The following SMCHD1 variants were observed in gnomAD, a reference collection of about 807,000 sequenced individuals.
The protein encoded by SMCHD1 is structural maintenance of chromosomes flexible hinge domain containing 1, also known as structural maintenance of chromosomes flexible hinge domain-containing protein 1.
A neutral mutation model predicts 254.7 loss-of-function variants in SMCHD1; 78 were observed. The ratio of observed to expected loss-of-function variants is 0.31; its 90% CI spans 0.26 to 0.37. The LOEUF (loss-of-function observed/expected upper bound fraction) is 0.37. Ranked by LOEUF, SMCHD1 falls within the 10% of genes least tolerant of loss-of-function variation. The pLI is 1.00. For synonymous variants in SMCHD1, 766 were observed against 794.9 expected (o/e 0.96, Z 0.61); for missense variants, 1,840 against 2,408.1 (o/e 0.76, Z 4.94).
chr18:2,684,702 T>TGTGTGTGTGTGG (rs1274346528), intron 5 of SMCHD1, among the ~76,000 whole-genome samples: 1 of 141,014 alleles, frequency 7.1e-6, no homozygotes, highest in Non-Finnish European at 1.6e-5. Context: ...GCAGATTCAG[T>TGTGTGTGTGTGG]GTGTGTGTGT....
At chr18:2,662,419 G>A (rs2073308911) in intron 1 of SMCHD1, among the ~76,000 whole-genome samples, 2 of 151,872 alleles carry the variant, frequency 1.3e-5, no homozygotes, top group South Asian at 4.2e-4. Context: ...GCCAAGGCAG[G>A]GAGATCATCT....
chr18:2,748,562 T>G (rs2075513215), intron 30 of SMCHD1, among the ~76,000 whole-genome samples: 1 of 151,644 alleles, frequency 6.6e-6, no homozygotes, highest in East Asian at 1.9e-4. Context: ...GCCCAGCTAA[T>G]TTTTGTATTT....
Position 2,750,117 on chromosome 18 carries a change from C to T in SMCHD1, c.4002C>T (p.Ala1334=). 6.3e-7 allele frequency: 1 copy of T among 1,577,586 alleles called. No individual in the cohort carries two copies. Among genetic ancestry groups the T allele is most frequent in the Non-Finnish European group, 8.6e-7 (1 of 1,160,018 alleles). ...ATTTGGGAGTATTCAGTGTTTTTGC[C>T]CCTAGGTAAGAACCAAAAGTTTGAT... The part of the protein sequence containing the change: ...RANLGVFSVF[A]PRGEHTLQVK... The change falls in exon 31 of 48, where the codon GCC becomes GCT. Residue 1334 remains alanine, a synonymous_variant. Coordinates refer to ENST00000320876, the MANE Select transcript of SMCHD1 (RefSeq NM_015295.3).
intron 1 of SMCHD1, among the ~76,000 whole-genome samples, chr18:2,662,971 C>CAG (rs2073338400): frequency 6.6e-6 from 1 of 152,122 alleles, no homozygotes; most frequent in Admixed American, 6.5e-5. Context: ...TTTCTCTGTA[C>CAG]AGAGGCCTAC....
chr18:2,751,711 A>C (rs568345841), intron 33 of SMCHD1, among the ~76,000 whole-genome samples: 1 of 152,248 alleles, frequency 6.6e-6, no homozygotes, highest in African/African-American at 2.4e-5. Flanking sequence ...AAAATGAGAT[A>C]GTAAAGAGAT....
At chr18:2,736,253 TAACTC>T (rs2143514573) in intron 25 of SMCHD1, among the ~76,000 whole-genome samples, 1 of 152,230 alleles carries the variant, frequency 6.6e-6, no homozygotes, top group African/African-American at 2.4e-5. Flanking sequence ...ATACAAAAAT[TAACTC>T]AGGATGGATT....
intron 45 of SMCHD1, among the ~76,000 whole-genome samples, chr18:2,791,097 C>A (rs904716385): frequency 2.0e-5 from 3 of 152,036 alleles, no homozygotes; most frequent in Non-Finnish European, 4.4e-5. Flanking sequence ...TATAATCTTA[C>A]AGTAAGCAGT....
At chr18:2,765,618 G>T (rs1231382098) in intron 37 of SMCHD1, among the ~76,000 whole-genome samples, 1 of 152,142 alleles carries the variant, frequency 6.6e-6, no homozygotes, top group Non-Finnish European at 1.5e-5. Flanking sequence ...GAAATCTAAA[G>T]ATCTGTCAAC....
chr18:2,777,745 C>T, intron 42 of SMCHD1, 61 bp from the exon 43 acceptor site: 1 of 905,420 alleles, frequency 1.1e-6, no homozygotes, highest in Non-Finnish European at 1.7e-6. Flanking sequence ...TCCATATTGT[C>T]TTTTTTTAAA....
intron 1 of SMCHD1, among the ~76,000 whole-genome samples, chr18:2,658,229 T>C (rs2073132192): frequency 1.3e-5 from 2 of 152,254 alleles, no homozygotes; most frequent in African/African-American, 2.4e-5. Flanking sequence ...AATGTTTTGC[T>C]ACTTTACCCT....
intron 17 of SMCHD1, among the ~76,000 whole-genome samples, chr18:2,711,034 C>T (rs1033675539): frequency 2.0e-5 from 3 of 151,658 alleles, no homozygotes; most frequent in Admixed American, 6.6e-5. Context: ...TGGAATGATG[C>T]GGCACAGTCG....
chr18:2,693,131 AAC>A (rs2074215099), intron 7 of SMCHD1, among the ~76,000 whole-genome samples: 1 of 152,240 alleles, frequency 6.6e-6, no homozygotes, highest in Non-Finnish European at 1.5e-5. Context: ...AAAGAGCTGT[AAC>A]ACTTTTTAAT....
intron 47 of SMCHD1, chr18:2,801,030 A>AT (rs1382507469): frequency 6.6e-6 from 1 of 152,210 alleles, no homozygotes; most frequent in African/African-American, 2.4e-5. Context: ...CAATAGGAGG[A>AT]TTAAAGTCCA....
intron 42 of SMCHD1, 56 bp downstream of exon 42, chr18:2,775,980 A>G: frequency 7.3e-7 from 1 of 1,361,286 alleles, no homozygotes; most frequent in East Asian, 2.7e-5. Context: ...GTTTTTTATC[A>G]AAGCCTTGAA....
rs1389498389 is a variant in SMCHD1 at position 2,763,793 on chromosome 18, A to C, written c.4719+4A>C. On this transcript the variant is annotated splice_donor_region_variant and intron_variant, in intron 37 of 47. Transcript: ENST00000320876. ...GAATGGTTCGGCTGAAATCATGGTAAATTTTTTATATCTTTTGGTAGATAG... is the reference window on the plus strand; with the variant it reads ...GAATGGTTCGGCTGAAATCATGGTACATTTTTTATATCTTTTGGTAGATAG... The C allele has an allele frequency of 1.2e-6, 2 of 1,603,268 alleles. No individual in the cohort carries two copies. The highest frequency in any genetic ancestry group is 1.3e-5 in the African/African-American group (1 of 74,128).
At position 2,747,559 on chromosome 18, in the gene SMCHD1, C is replaced by A; in HGVS notation, c.3839C>A (p.Pro1280His). The change falls in exon 30 of 48, where the codon CCT (proline) becomes CAT (histidine). Residue 1280 changes from proline to histidine, a missense_variant. Around this residue, in one of 9 missense-constraint regions of SMCHD1, gnomAD observed 881 missense variants for 1,009.5 expected, o/e 0.87. Transcript: ENST00000320876. ...PVINGRDLQN[P>H]IIVQLCDQWD... ...ATTAATGGAAGAGATTTACAGAACC[C>A]TATTATTGTTCAACTTTGTGATCAG... The A allele has an allele frequency of 6.2e-7, 1 of 1,608,686 alleles. No individual in the cohort carries two copies. The highest frequency in any genetic ancestry group is 8.5e-7 in the Non-Finnish European group (1 of 1,175,860).
At chr18:2,694,766 TGAAGCC>T in intron 8 of SMCHD1, 73 bp downstream of exon 8, 3 of 1,300,054 alleles carry the variant, frequency 2.3e-6, no homozygotes, top group Non-Finnish European at 3.3e-6. Context: ...ACAGATATAT[TGAAGCC>T]TCTTTGGTAT....
chr18:2,659,019 G>A (rs761232121), intron 1 of SMCHD1, among the ~76,000 whole-genome samples: 1 of 152,080 alleles, frequency 6.6e-6, no homozygotes, highest in Non-Finnish European at 1.5e-5. Context: ...CTTAGGGGAA[G>A]AGACAAAATA....
chr18:2,728,229 CTT>C (rs1241168533), intron 22 of SMCHD1: 2 of 428,688 alleles, frequency 4.7e-6, no homozygotes, highest in Non-Finnish European at 8.3e-6. Context: ...TGGAATAAAA[CTT>C]AGCCTAGACA....
Sources: gnomAD v4.1 joint callset for allele counts (sites outside exome capture counted in the v4.1 genomes callset) on GRCh38, gnomAD v4.1.1 for gene constraint, gnomAD v4.1.1 regional missense constraint, MANE v1.5 for transcripts, NCBI Gene and HGNC (gene_info 2026-07-23, HGNC 2026-07-21) for gene names.